The following ERI1 variants were observed in gnomAD, a reference collection of about 807,000 sequenced individuals.
The protein encoded by ERI1 is 3'-5' exoribonuclease 1.
Under a neutral mutation model 39.7 loss-of-function variants are expected in ERI1, and 39 were observed. That is an observed-to-expected ratio of 0.98 (90% confidence interval 0.76 to 1.28). The LOEUF (loss-of-function observed/expected upper bound fraction) is 1.28. ERI1 is among the 50% of genes most tolerant of loss of function. ERI1 has a pLI of 0.00. For missense variants in ERI1, 581 were observed against 416.9 expected (o/e 1.39, Z -3.43); for synonymous variants, 204 against 149.6 (o/e 1.36, Z -2.65).
chr8:9,040,729 TGGGG>T (rs5889257), intron 3 of ERI1, among the ~76,000 whole-genome samples: 1 of 148,532 alleles, frequency 6.7e-6, no homozygotes, highest in African/African-American at 2.5e-5. Context: ...AGTGTGTGTG[TGGGG>T]GGGGGGTGTG....
rs189172230 is a variant in ERI1, at chr8:9,009,701, G to T, written c.287+1553G>T. On this transcript the variant is annotated intron_variant, in intron 2 of 6. Transcript: ENST00000250263. ...ATTACAGGCATGCACCACCATGCCT[G>T]GCTAATTTTTGTATTTTTAGTGAAG... Among the ~76,000 whole-genome samples, 70 of 152,184 alleles carry T rather than the reference G, an allele frequency of 4.6e-4. 1 individual carries two copies. The East Asian group carries it at 0.012, about 25-fold the overall frequency.
chr8:9,011,799 C>T (rs1418813555), intron 3 of ERI1, 47 bp downstream of exon 3: 1 of 1,379,160 alleles, frequency 7.3e-7, no homozygotes, highest in South Asian at 1.3e-5. Flanking sequence ...AGCAACTATT[C>T]TGGTGTTTAC....
chr8:9,048,048 C>G lies in ERI1; in HGVS notation n.299+27584C>G, dbSNP rs547840074. 1.7e-4 allele frequency among the ~76,000 whole-genome samples: 26 copies of G among 152,342 alleles called. No individual in the cohort carries two copies. In the South Asian group the frequency reaches 5.2e-3, roughly 30 times the overall value. On this transcript the variant is annotated intron_variant and non_coding_transcript_variant, in intron 3 of 3. Coordinates refer to the ERI1 transcript ENST00000518663. ...TAAGTGGGAAAGCCAGGACTTGAACCTAGGTCCCCCAGACTCTGCAGCCTT... is the reference window on the plus strand; with the variant it reads ...TAAGTGGGAAAGCCAGGACTTGAACGTAGGTCCCCCAGACTCTGCAGCCTT...
At chr8:9,038,974 A>G (rs1049925193) in intron 3 of ERI1, among the ~76,000 whole-genome samples, 12 of 152,178 alleles carry the variant, frequency 7.9e-5, no homozygotes, top group Non-Finnish European at 1.3e-4. Flanking sequence ...CTGTGATGAT[A>G]AATCATTCTT....
intron 3 of ERI1, among the ~76,000 whole-genome samples, chr8:9,056,466 A>G (rs1037420874): frequency 6.6e-6 from 1 of 152,224 alleles, no homozygotes; most frequent in African/African-American, 2.4e-5. Flanking sequence ...ATGGCCAGTC[A>G]TGCAGGTTGT....
At chr8:9,028,805 G>A (rs920870610) in intron 6 of ERI1, among the ~76,000 whole-genome samples, 3 of 151,872 alleles carry the variant, frequency 2.0e-5, no homozygotes, top group Non-Finnish European at 2.9e-5. Context: ...TATATTTTTA[G>A]TAGAGATGGG....
Position 9,030,015 on chromosome 8 carries a change from T to A in ERI1, c.1031T>A (p.Met344Lys). 6.3e-7 allele frequency: 1 copy of A among 1,599,784 alleles called. No individual in the cohort carries two copies. Among genetic ancestry groups the A allele is most frequent in the Non-Finnish European group, 8.5e-7 (1 of 1,174,020 alleles). ...ATAGAGGGCACTCCACCACCACAAA[T>A]GCCACATTTTAGAAAGTAACAACAG... ...LPIEGTPPPQ[M>K]PHFRK Residue 344 changes from methionine to lysine, a missense_variant, in exon 7 of 7, where the codon ATG becomes AAG. By Grantham distance (95) the Met-to-Lys change is moderately conservative. Transcript: ENST00000250263.
rs970883044 is a variant in ERI1, at chr8:9,007,037, T to G, written c.109-933T>G. Among the ~76,000 whole-genome samples, 3 of 152,322 alleles carry G rather than the reference T, an allele frequency of 2.0e-5. No homozygotes were observed. The East Asian group carries it at 5.8e-4, about 29-fold the overall frequency. ...AATTAGTACTAAATATTTTTCAAAA[T>G]TATGGAACATAGCTAATATTTGTGA... On this transcript the variant is annotated intron_variant, in intron 1 of 6. Coordinates refer to ENST00000250263, the MANE Select transcript of ERI1 (RefSeq NM_153332.4).
intron 6 of ERI1, among the ~76,000 whole-genome samples, chr8:9,029,013 A>C (rs1489323334): frequency 1.4e-5 from 2 of 146,370 alleles, no homozygotes; most frequent in Non-Finnish European, 3.0e-5. Context: ...ATCAAGGAAC[A>C]GGTTTTTAAA....
rs754745643 is a variant in ERI1, at chr8:9,064,775, C to T, written n.299+44311C>T. 5.3e-5 allele frequency among the ~76,000 whole-genome samples: 8 copies of T among 152,100 alleles called. No individual in the cohort carries two copies. The East Asian group carries it at 1.2e-3, about 22-fold the overall frequency. Reference sequence around the variant, plus strand: ...ATCTCCCAAGGGAGGTCCCTTGATCCGAGTCATGGCACCAAATTTCATGCG... The same window carrying T: ...ATCTCCCAAGGGAGGTCCCTTGATCTGAGTCATGGCACCAAATTTCATGCG... On this transcript the variant is annotated intron_variant and non_coding_transcript_variant, in intron 3 of 3. Transcript: ENST00000518663.
chr8:9,040,639 T>C (rs1401824179), intron 3 of ERI1, among the ~76,000 whole-genome samples: 1 of 152,022 alleles, frequency 6.6e-6, no homozygotes, highest in Non-Finnish European at 1.5e-5. Flanking sequence ...GTTAGACATA[T>C]CCCACATGAA....
chr8:9,002,958 G>A lies in ERI1; in HGVS notation c.-106G>A. 2 of 831,728 alleles carry A rather than the reference G, an allele frequency of 2.4e-6. No homozygotes were observed. Among genetic ancestry groups the A allele is most frequent in the Non-Finnish European group, 3.2e-6 (2 of 620,596 alleles). 51.5% of individuals were successfully genotyped at this position (831,728 alleles called of 1,614,324 possible). ...TGTGTGGCCGCCGCCGCGGGAACGC[G>A]AGCCCGGTAATTTTTCAACGGAGAA... On this transcript the variant is annotated 5_prime_UTR_variant, in exon 1 of 7. Transcript: ENST00000250263.
chr8:9,084,097 AT>A (rs1007235223), intron 3 of ERI1, among the ~76,000 whole-genome samples: 7 of 148,640 alleles, frequency 4.7e-5, no homozygotes, highest in Admixed American at 6.7e-5. Context: ...CCAGCCTAAA[AT>A]TTTTTTTTTT....
At chr8:9,039,212 C>T (rs1441811292) in intron 3 of ERI1, among the ~76,000 whole-genome samples, 2 of 152,150 alleles carry the variant, frequency 1.3e-5, no homozygotes, top group Non-Finnish European at 2.9e-5. Flanking sequence ...GAAAATCCAA[C>T]CTGTTACTTT....
chr8:9,080,569 GC>G (rs1266873236), intron 3 of ERI1, among the ~76,000 whole-genome samples: 1 of 152,208 alleles, frequency 6.6e-6, no homozygotes, highest in Non-Finnish European at 1.5e-5. Flanking sequence ...CAGCACCCCT[GC>G]CCTGATTTTC....
At chr8:9,062,695 G>C (rs1798743681) in intron 3 of ERI1, 1 of 151,328 alleles carries the variant, frequency 6.6e-6, no homozygotes. Context: ...GGCAGTGTCA[G>C]TCTACAGCCG....
chr8:9,019,591 G>C (rs890075375), intron 5 of ERI1, among the ~76,000 whole-genome samples: 1 of 152,128 alleles, frequency 6.6e-6, no homozygotes. Flanking sequence ...TTAATAATTT[G>C]GCAGCCCAGG....
chr8:9,026,123 A>G (rs1463397861), intron 6 of ERI1, among the ~76,000 whole-genome samples: 2 of 152,198 alleles, frequency 1.3e-5, no homozygotes, highest in African/African-American at 4.8e-5. Flanking sequence ...ACTGCGAACC[A>G]TCACATGAGG....
Position 9,004,049 on chromosome 8 carries a change from A to C in ERI1, c.108+878A>C, listed in dbSNP as rs559698750. On this transcript the variant is annotated intron_variant, in intron 1 of 6. Coordinates refer to ENST00000250263, the MANE Select transcript of ERI1 (RefSeq NM_153332.4). ...GCCTCCCTTGGTAATTGCATCTCAC[A>C]CAGTTTTTTCCCTTTTGTTCCCAGT... The C allele has an allele frequency of 4.5e-5, 58 of 1,286,104 alleles. No individual in the cohort carries two copies. The South Asian group carries it at 6.1e-4, about 13-fold the overall frequency. 79.7% of individuals were successfully genotyped at this position (1,286,104 alleles called of 1,614,324 possible).
Sources: gnomAD v4.1 joint callset for allele counts (sites outside exome capture counted in the v4.1 genomes callset) on GRCh38, gnomAD v4.1.1 for gene constraint, MANE v1.5 for transcripts, NCBI Gene and HGNC (gene_info 2026-07-23, HGNC 2026-07-21) for gene names.